The following LRIG2 variants were observed in gnomAD, a reference collection of about 807,000 sequenced individuals.
LRIG2 encodes leucine rich repeats and immunoglobulin like domains 2, also known as leucine-rich repeats and immunoglobulin-like domains protein 2.
Under a neutral mutation model 107.8 loss-of-function variants are expected in LRIG2, and 93 were observed. That is an observed-to-expected ratio of 0.86 (90% CI 0.73 to 1.03). The LOEUF is 1.03. Among genes scored for constraint, LRIG2 ranks in the 50% least tolerant of loss-of-function variants. The pLI is 0.00. For synonymous variants in LRIG2, 471 were observed against 470.6 expected (o/e 1.00, Z -0.01); for missense variants, 1,226 against 1,296.0 (o/e 0.95, Z 0.83).
chr1:113,085,930 G>A (rs12069411), intron 1 of LRIG2, among the ~76,000 whole-genome samples: 7 of 150,604 alleles, frequency 4.6e-5, no homozygotes, highest in Non-Finnish European at 8.8e-5. Flanking sequence ...TTCAGTTTAC[G>A]CCAAGAATAT....
Position 113,114,642 on chromosome 1 carries a change from T to C in LRIG2, c.2296T>C (p.Cys766Arg). The C allele has an allele frequency of 6.2e-7, 1 of 1,614,110 alleles. No homozygotes were observed. The highest frequency in any genetic ancestry group is 8.5e-7 in the Non-Finnish European group (1 of 1,179,996). ...AGLEDAGKYT[C>R]IMSNTLGTER... is the part of the protein sequence containing the mutation. ...GCTAGAAGATGCTGGGAAATATACC[T>C]GCATTATGTCTAACACCCTTGGGAC... The change falls in exon 15 of 18, where the codon TGC becomes CGC. Residue 766 changes from cysteine to arginine, a missense_variant. Cys to Arg is a radical substitution (Grantham distance 180, BLOSUM62 -3). Around this residue, in one of 3 missense-constraint regions of LRIG2, gnomAD observed 642 missense variants for 712.2 expected, o/e 0.90. Coordinates refer to ENST00000361127, the MANE Select transcript of LRIG2 (RefSeq NM_014813.3).
At chr1:113,118,222 T>G (rs1174918346) in intron 16 of LRIG2, among the ~76,000 whole-genome samples, 1 of 152,196 alleles carries the variant, frequency 6.6e-6, no homozygotes, top group Non-Finnish European at 1.5e-5. Flanking sequence ...CCTGGCCTGT[T>G]GCATGATTTT....
At position 113,073,451 on chromosome 1, in the gene LRIG2, G is replaced by T. The variant is rs1341977663; in HGVS notation, c.45G>T (p.Gly15=). The T allele has an allele frequency of 3.1e-6, 5 of 1,614,060 alleles. No homozygotes were observed. Among genetic ancestry groups the T allele is most frequent in the Non-Finnish European group, 4.2e-6 (5 of 1,180,012 alleles). ...PLGVPEEQLL[G]CRSRVLSRLL... ...GCGTCCCGGAGGAGCAGTTGCTGGG[G>T]TGTCGATCTAGAGTGCTTTCTCGGT... Residue 15 remains glycine (G), a synonymous_variant, in exon 1 of 18, where the codon GGG becomes GGT. Transcript: ENST00000361127.
chr1:113,090,033 A>T (rs962095342), intron 1 of LRIG2, among the ~76,000 whole-genome samples: 1 of 151,480 alleles, frequency 6.6e-6, no homozygotes, highest in African/African-American at 2.4e-5. Context: ...CCTATCAAGG[A>T]TGTGGTCAAC....
intron 2 of LRIG2, among the ~76,000 whole-genome samples, chr1:113,092,205 T>C (rs1653859905): frequency 6.6e-6 from 1 of 152,226 alleles, no homozygotes; most frequent in African/African-American, 2.4e-5. Context: ...TTGCATGGAC[T>C]TTGTAACTTT....
rs775053825 is a variant in LRIG2 at position 113,096,264 on chromosome 1, C to G, written c.990C>G (p.Ala330=). 2 of 1,614,012 alleles carry G rather than the reference C, an allele frequency of 1.2e-6. No homozygotes were observed. Among genetic ancestry groups the G allele is most frequent in the Admixed American group, 3.3e-5 (2 of 59,990 alleles). The change falls in exon 8 of 18, where the codon GCC becomes GCG. Residue 330 remains alanine, a synonymous_variant. Coordinates refer to ENST00000361127, the MANE Select transcript of LRIG2 (RefSeq NM_014813.3). ...YNQLTRLDES[A]FVGLSLLERL... Reference sequence around the variant, plus strand: ...AGCTGACCCGCCTGGATGAATCTGCCTTTGTGGGTCTGAGCTTATTGGAGA... The same window carrying G: ...AGCTGACCCGCCTGGATGAATCTGCGTTTGTGGGTCTGAGCTTATTGGAGA...
In LRIG2 at chr1:113,124,660, AT is replaced by A. The variant is rs1003415087; in HGVS notation, c.*570del. On this transcript the variant is annotated 3_prime_UTR_variant, in exon 18 of 18. Transcript: ENST00000361127. ...GTCAAAGATTTTTGTATTCTTGTGA[AT>A]TTTTTTTTTTGTCCCTATTGCCCAG... is the stretch of plus-strand genomic sequence containing the variant. 1.4e-3 allele frequency: 210 copies of A among 147,884 alleles called. No individual in the cohort carries two copies. The highest frequency in any genetic ancestry group is 3.7e-3 in the East Asian group (19 of 5,072). The allele number at this position is 147,884 out of a possible 1,614,324, so 9.2% of individuals were successfully genotyped here. A position where few individuals can be genotyped will look rare whatever the true frequency, so the allele number is the denominator to read the frequency against.
At chr1:113,108,837 C>T (rs560315743) in intron 12 of LRIG2, among the ~76,000 whole-genome samples, 7 of 152,214 alleles carry the variant, frequency 4.6e-5, no homozygotes, top group African/African-American at 1.7e-4. Context: ...GATTGTGCCA[C>T]TGCATTCCAG....
chr1:113,112,163 C>T (rs1363352967), intron 13 of LRIG2, among the ~76,000 whole-genome samples: 2 of 152,110 alleles, frequency 1.3e-5, no homozygotes, highest in East Asian at 1.9e-4. Flanking sequence ...TGCTGTGGCT[C>T]AGGCTTGTAG....
At chr1:113,080,019 A>ATTTTT (rs35584269) in intron 1 of LRIG2, among the ~76,000 whole-genome samples, 1 of 112,602 alleles carries the variant, frequency 8.9e-6, no homozygotes, top group Non-Finnish European at 1.7e-5. Context: ...CCTGGCCCGA[A>ATTTTT]TTTTTTTTTT....
intron 1 of LRIG2, among the ~76,000 whole-genome samples, chr1:113,089,053 T>G (rs559307014): frequency 6.6e-6 from 1 of 152,338 alleles, no homozygotes; most frequent in Non-Finnish European, 1.5e-5. Flanking sequence ...TGGTGTAAAT[T>G]AAGCTCTTAA....
chr1:113,130,006 C>T lies in LRIG2; in HGVS notation c.*5905C>T, dbSNP rs1237445825. The T allele has an allele frequency of 1.3e-5, 2 of 152,022 alleles. No individual in the cohort carries two copies. The highest frequency in any genetic ancestry group is 2.9e-5 in the Non-Finnish European group (2 of 68,034). 9.4% of individuals were successfully genotyped at this position (152,022 alleles called of 1,614,324 possible). A position where few individuals can be genotyped will look rare whatever the true frequency, so the allele number is the denominator to read the frequency against. Reference sequence around the variant, plus strand: ...CCTTGATATCTCAAGCCCAAGTGATCCTCCCACCTCAACCACCTGAGTAGC... The same window carrying T: ...CCTTGATATCTCAAGCCCAAGTGATTCTCCCACCTCAACCACCTGAGTAGC... On this transcript the variant is annotated 3_prime_UTR_variant, in exon 18 of 18. Coordinates refer to ENST00000361127, the MANE Select transcript of LRIG2 (RefSeq NM_014813.3).
rs1379413270 is a variant in LRIG2 at position 113,114,740 on chromosome 1, T to G, written c.2394T>G (p.His798Gln). ...NCDSSQSSIG[H>Q]EDDGWTTVGI... ...ACTCTTCCCAGAGTAGCATTGGGCA[T>G]GAAGATGATGGCTGGACCACAGTTG... The change falls in exon 15 of 18, where the codon CAT becomes CAG. Residue 798 changes from histidine to glutamine, a missense_variant. By Grantham distance (24) the His-to-Gln change is conservative. Transcript: ENST00000361127. 7 of 1,614,082 alleles carry G rather than the reference T, an allele frequency of 4.3e-6. No homozygotes were observed. In the Admixed American group the frequency reaches 8.3e-5, roughly 19 times the overall value.
chr1:113,096,034 A>G lies in LRIG2; in HGVS notation c.947+17A>G, dbSNP rs1557905666. 6.2e-7 allele frequency: 1 copy of G among 1,613,952 alleles called. No individual in the cohort carries two copies. The highest frequency in any genetic ancestry group is 1.1e-5 in the South Asian group (1 of 91,080). ...ATCCGAACTGTAAGTGTTGGATAGC[A>G]TTTCACTGGAGGCAGTTAAGACTAG... is the stretch of plus-strand genomic sequence containing the variant. On this transcript the variant is annotated intron_variant, in intron 7 of 17. Coordinates refer to ENST00000361127, the MANE Select transcript of LRIG2 (RefSeq NM_014813.3).
intron 1 of LRIG2, among the ~76,000 whole-genome samples, chr1:113,077,611 A>C (rs1653040277): frequency 6.6e-6 from 1 of 152,114 alleles, no homozygotes; most frequent in Non-Finnish European, 1.5e-5. Flanking sequence ...TTGTGAACAG[A>C]TTCGTTTTTT....
rs774791056 is a variant in LRIG2, at chr1:113,094,459, C to T, written c.636C>T (p.Phe212=). The T allele has an allele frequency of 3.7e-6, 6 of 1,610,886 alleles. No homozygotes were observed. Among genetic ancestry groups the T allele is most frequent in the Non-Finnish European group, 5.1e-6 (6 of 1,179,356 alleles). ...NRMSMIPPKI[F]KLPHLQFLEL... ...TGAGCATGATTCCACCTAAGATCTT[C>T]AAGCTGCCTCACCTCCAATTCTTGT... The change falls in exon 5 of 18, where the codon TTC becomes TTT. Residue 212 remains phenylalanine (F), a synonymous_variant. Coordinates refer to ENST00000361127, the MANE Select transcript of LRIG2 (RefSeq NM_014813.3).
intron 11 of LRIG2, among the ~76,000 whole-genome samples, chr1:113,101,361 C>T (rs1247637618): frequency 6.6e-6 from 1 of 152,018 alleles, no homozygotes; most frequent in Non-Finnish European, 1.5e-5. Context: ...AGCCACCGGT[C>T]CCGCCTGGTA....
intron 11 of LRIG2, among the ~76,000 whole-genome samples, chr1:113,106,263 G>A (rs1407033489): frequency 1.3e-5 from 2 of 151,790 alleles, no homozygotes; most frequent in Non-Finnish European, 2.9e-5. Context: ...AAATTTCTGT[G>A]GAATCAGATC....
chr1:113,087,612 G>A (rs1653616093), intron 1 of LRIG2, among the ~76,000 whole-genome samples: 1 of 152,198 alleles, frequency 6.6e-6, no homozygotes, highest in East Asian at 1.9e-4. Context: ...GCCTCCCAAA[G>A]TGCTGGGATT....
Sources: gnomAD v4.1 joint callset for allele counts (sites outside exome capture counted in the v4.1 genomes callset) on GRCh38, gnomAD v4.1.1 for gene constraint, gnomAD v4.1.1 regional missense constraint, MANE v1.5 for transcripts, NCBI Gene and HGNC (gene_info 2026-07-23, HGNC 2026-07-21) for gene names.